MICAL3: variants seen among roughly 807,000 people sequenced by gnomAD.
MICAL3 encodes [F-actin]-monooxygenase MICAL3.
In MICAL3, 62 loss-of-function variants were observed where a neutral mutation model predicts 207.4. The observed-to-expected ratio is 0.30, with a 90% CI of 0.24 to 0.37. The LOEUF is 0.37. Among genes scored for constraint, MICAL3 ranks in the 10% least tolerant of loss-of-function variants. MICAL3 has a pLI of 1.00. For missense variants in MICAL3, 2,368 were observed against 2,635.6 expected (o/e 0.90, Z 2.22); for synonymous variants, 1,077 against 1,069.3 (o/e 1.01, Z -0.14).
chr22:17,919,818 G>C (rs1422132210), intron 1 of MICAL3, among the ~76,000 whole-genome samples: 1 of 152,238 alleles, frequency 6.6e-6, no homozygotes, highest in East Asian at 1.9e-4. Flanking sequence ...CAGGAGCCAG[G>C]ACCTGGAGGC....
At chr22:17,839,927 C>CTTTTTTTTTTTT (rs67852343) in intron 20 of MICAL3, 6 of 95,838 alleles carry the variant, frequency 6.3e-5, no homozygotes, top group African/African-American at 9.5e-5. Context: ...TTTTAATTAT[C>CTTTTTTTTTTTT]TTTTTTTTTT....
rs748135874 is a variant in MICAL3, at chr22:17,822,063, TCTC to T, written c.3412_3414del (p.Glu1138del). 3 of 1,613,900 alleles carry T rather than the reference TCTC, an allele frequency of 1.9e-6. No homozygotes were observed. The highest frequency in any genetic ancestry group is 2.2e-5 in the South Asian group (2 of 91,084). ...TGGTGCTTCGGTGAGGCGGGCAGCT[TCTC>T]CTCATCTTCCGACACCCTCAGCTCC... On this transcript the variant is annotated inframe_deletion, in exon 24 of 32. Transcript: ENST00000441493.
At chr22:17,883,479 C>T (rs972362182) in intron 16 of MICAL3, among the ~76,000 whole-genome samples, 1 of 152,210 alleles carries the variant, frequency 6.6e-6, no homozygotes, top group Admixed American at 6.5e-5. Context: ...AAGGCACTGA[C>T]GGCATCCAGG....
At chr22:17,858,171 T>C (rs1188306654) in intron 19 of MICAL3, among the ~76,000 whole-genome samples, 1 of 152,160 alleles carries the variant, frequency 6.6e-6, no homozygotes, top group Non-Finnish European at 1.5e-5. Context: ...CGTACAAGCC[T>C]ACCACCCCCT....
At chr22:17,879,603 C>T (rs958467676) in intron 16 of MICAL3, among the ~76,000 whole-genome samples, 10 of 152,138 alleles carry the variant, frequency 6.6e-5, no homozygotes, top group Admixed American at 1.3e-4. Flanking sequence ...AGCCATTCCA[C>T]CCCCCACTGG....
intron 1 of MICAL3, among the ~76,000 whole-genome samples, chr22:18,023,730 C>CA (rs1924628991): frequency 6.6e-6 from 1 of 152,202 alleles, no homozygotes; most frequent in Admixed American, 6.5e-5. Flanking sequence ...GCGTGTGCGC[C>CA]ACTGGTCCTG....
chr22:17,857,835 T>C (rs940296315), intron 19 of MICAL3, among the ~76,000 whole-genome samples: 4 of 152,220 alleles, frequency 2.6e-5, no homozygotes, highest in Non-Finnish European at 5.9e-5. Context: ...TTTAGGCACA[T>C]TCTGCCTATG....
At chr22:17,943,544 G>A (rs774827611) in intron 1 of MICAL3, among the ~76,000 whole-genome samples, 7 of 152,180 alleles carry the variant, frequency 4.6e-5, no homozygotes, top group Non-Finnish European at 7.3e-5. Flanking sequence ...TGTTGCTCTC[G>A]TGAAAAACAA....
At chr22:17,887,629 C>T (rs1930042286) in intron 13 of MICAL3, among the ~76,000 whole-genome samples, 194 bp from the exon 14 acceptor site, 1 of 152,212 alleles carries the variant, frequency 6.6e-6, no homozygotes, top group South Asian at 2.1e-4. Context: ...GACATTGAAC[C>T]TTCTTTTGTT....
chr22:17,938,967 G>C lies in MICAL3; in HGVS notation c.-74-32081C>G, dbSNP rs118036308. Among the ~76,000 whole-genome samples, 572 of 152,288 alleles carry C rather than the reference G, an allele frequency of 3.8e-3. 3 individuals are homozygous for C. The highest frequency in any genetic ancestry group is 0.014 in the Middle Eastern group (4 of 294). On this transcript the variant is annotated intron_variant, in intron 1 of 31. Coordinates refer to ENST00000441493, the MANE Select transcript of MICAL3 (RefSeq NM_015241.3). ...TGTGGTTGGAATGTTTGTTCCTTTT[G>C]AAATTCATGTAGAAATTTCATCTCC...
At chr22:17,921,476 C>G (rs747456188) in intron 1 of MICAL3, among the ~76,000 whole-genome samples, 4 of 152,174 alleles carry the variant, frequency 2.6e-5, no homozygotes, top group Non-Finnish European at 5.9e-5. Context: ...TGGACTAGCA[C>G]AGCTGCCTCT....
intron 20 of MICAL3, among the ~76,000 whole-genome samples, chr22:17,832,666 C>A (rs1400018927): frequency 1.3e-5 from 2 of 152,144 alleles, no homozygotes; most frequent in African/African-American, 4.8e-5. Flanking sequence ...CATCCTGGCC[C>A]ACTGTCTAGT....
At chr22:17,872,938 A>G in intron 16 of MICAL3, 1 of 919,906 alleles carries the variant, frequency 1.1e-6, no homozygotes, top group Admixed American at 1.9e-5. Context: ...CACGGGGAAA[A>G]AAAGAAATCT....
intron 1 of MICAL3, among the ~76,000 whole-genome samples, chr22:17,947,047 A>C (rs2146349169): frequency 6.6e-6 from 1 of 152,362 alleles, no homozygotes; most frequent in Middle Eastern, 3.4e-3. Context: ...TTTAAATCAC[A>C]AAGAAAGGAG....
In MICAL3 at chr22:17,788,142, G is replaced by C. The variant is rs2061801278; in HGVS notation, c.*2590C>G. The C allele has an allele frequency of 6.6e-6, 1 of 152,276 alleles. No homozygotes were observed. The allele number at this position is 152,276 out of a possible 1,614,324, so 9.4% of individuals were successfully genotyped here. ...ACGCTTGACGCAGGAAGTCACCAGAGTACTCAAGTCAACCGCAAACTAGTG... is the reference window on the plus strand; with the variant it reads ...ACGCTTGACGCAGGAAGTCACCAGACTACTCAAGTCAACCGCAAACTAGTG... On this transcript the variant is annotated 3_prime_UTR_variant, in exon 32 of 32. Transcript: ENST00000441493.
At position 17,860,936 on chromosome 22, in the gene MICAL3, T is replaced by G. The variant is rs1669321687; in HGVS notation, c.2605+3963A>C. 9.1e-6 allele frequency: 9 copies of G among 984,630 alleles called. No homozygotes were observed. In the South Asian group the frequency reaches 3.8e-4, roughly 41 times the overall value. 61.0% of individuals were successfully genotyped at this position (984,630 alleles called of 1,614,324 possible). A position where few individuals can be genotyped will look rare whatever the true frequency, so the allele number is the denominator to read the frequency against. On this transcript the variant is annotated intron_variant, in intron 19 of 31. Transcript: ENST00000441493. ...CACAATTATTATAATTACTATAATTTAGGGTGCAACATATAAATAAATATC... is the reference window on the plus strand; with the variant it reads ...CACAATTATTATAATTACTATAATTGAGGGTGCAACATATAAATAAATATC...
intron 1 of MICAL3, among the ~76,000 whole-genome samples, chr22:17,991,468 C>G (rs1363566945): frequency 1.3e-5 from 2 of 152,172 alleles, no homozygotes. Flanking sequence ...GAAGATAAAT[C>G]CACGTTTCCA....
chr22:17,915,870 T>C (rs758802730), intron 1 of MICAL3, among the ~76,000 whole-genome samples: 8 of 151,366 alleles, frequency 5.3e-5, no homozygotes, highest in South Asian at 2.1e-4. Flanking sequence ...AGCAGGAGGA[T>C]TGCTTCAGAA....
chr22:17,876,020 G>A (rs1928295650), intron 16 of MICAL3, among the ~76,000 whole-genome samples: 1 of 152,208 alleles, frequency 6.6e-6, no homozygotes, highest in African/African-American at 2.4e-5. Context: ...AGCAAATCTA[G>A]AGTGAAGCTC....
Sources: allele counts gnomAD v4.1 joint callset (sites outside exome capture counted in the v4.1 genomes callset), GRCh38; gene constraint gnomAD v4.1.1; transcripts MANE v1.5; gene names NCBI Gene and HGNC (gene_info 2026-07-23, HGNC 2026-07-21).